Variants in ZFYVE28 observed in about 807,000 individuals in gnomAD.
ZFYVE28 encodes zinc finger FYVE-type containing 28, also known as lateral signaling target protein 2 homolog.
ZFYVE28 carries 40 observed loss-of-function variants against 82.1 expected under a neutral mutation model. The ratio of observed to expected loss-of-function variants is 0.49; its 90% CI spans 0.38 to 0.63. The LOEUF is 0.63. Among genes scored for constraint, ZFYVE28 ranks in the 30% least tolerant of loss-of-function variants. The pLI, the probability that ZFYVE28 is intolerant of heterozygous loss-of-function variation, is 0.00. For missense variants in ZFYVE28, 1,321 were observed against 1,242.1 expected (o/e 1.06, Z -0.96); for synonymous variants, 612 against 546.1 (o/e 1.12, Z -1.68).
chr4:2,281,238 G>C (rs1023115450), intron 8 of ZFYVE28, among the ~76,000 whole-genome samples: 1 of 152,200 alleles, frequency 6.6e-6, no homozygotes, highest in Non-Finnish European at 1.5e-5. Flanking sequence ...AAGGGCCAAA[G>C]GGAACAAGAG....
chr4:2,391,738 C>CGT (rs1729854937), intron 1 of ZFYVE28, among the ~76,000 whole-genome samples: 2 of 139,770 alleles, frequency 1.4e-5, no homozygotes, highest in Non-Finnish European at 3.1e-5. Flanking sequence ...AATTCTCTCT[C>CGT]TCTTTTTTTT....
intron 2 of ZFYVE28, among the ~76,000 whole-genome samples, chr4:2,349,273 A>G (rs1287165578): frequency 6.6e-6 from 1 of 150,550 alleles, no homozygotes; most frequent in African/African-American, 2.4e-5. Flanking sequence ...AAAAGAAAAT[A>G]TGCAAACACC....
chr4:2,349,056 T>G (rs1329519097), intron 2 of ZFYVE28, among the ~76,000 whole-genome samples: 1 of 152,172 alleles, frequency 6.6e-6, no homozygotes, highest in Admixed American at 6.5e-5. Context: ...TTTAGTGTTC[T>G]AATTCATGAA....
rs1715273298 is a variant in ZFYVE28, at chr4:2,300,013, G to A, written c.2051+4276C>T. Among the ~76,000 whole-genome samples the A allele has an allele frequency of 6.6e-6, 1 of 152,138 alleles. No homozygotes were observed. The highest frequency in any genetic ancestry group is 1.5e-5 in the Non-Finnish European group (1 of 68,026). On this transcript the variant is annotated intron_variant, in intron 8 of 12. Transcript: ENST00000290974. The surrounding 1 kb of genome is among the most constrained non-coding windows in gnomAD (Gnocchi z 4.6). Reference sequence around the variant, plus strand: ...GGGTCTTGCTATGTTGTCCAGGCTGGCCTTGAACTCCTGGCCTCAAGCAAT... The same window carrying A: ...GGGTCTTGCTATGTTGTCCAGGCTGACCTTGAACTCCTGGCCTCAAGCAAT...
Position 2,274,150 on chromosome 4 carries a change from A to ATGCGTGGCTGCTGGGGCCGCC in ZFYVE28, c.2097_2117dup (p.Thr705_His706insGlnAlaAlaProAlaAlaThr). The stretch of plus-strand genomic sequence containing the variant: ...TCTCTCTTGTGGCCTGTGGGGCAGC[A>ATGCGTGGCTGCTGGGGCCGCC]TGCGTGGCTGCTGGGGCCGCCTCTG... On this transcript the variant is annotated inframe_insertion, in exon 9 of 13. Transcript: ENST00000290974. The ATGCGTGGCTGCTGGGGCCGCC allele has an allele frequency of 6.2e-7, 1 of 1,613,828 alleles. No homozygotes were observed. The highest frequency in any genetic ancestry group is 8.5e-7 in the Non-Finnish European group (1 of 1,180,000).
At chr4:2,281,813 C>T (rs947693946) in intron 8 of ZFYVE28, among the ~76,000 whole-genome samples, 1 of 152,154 alleles carries the variant, frequency 6.6e-6, no homozygotes, top group African/African-American at 2.4e-5. Context: ...CAGGGTAGGG[C>T]CATGAGGAGG....
At position 2,418,303 on chromosome 4, in the gene ZFYVE28, C is replaced by T; in HGVS notation, c.21G>A (p.Lys7=). The T allele has an allele frequency of 3.9e-6, 6 of 1,534,170 alleles. No individual in the cohort carries two copies. The highest frequency in any genetic ancestry group is 5.3e-6 in the Non-Finnish European group (6 of 1,139,398). Residue 7 remains lysine, a synonymous_variant, in exon 1 of 13, where the codon AAG becomes AAA. Transcript: ENST00000290974. This position sits in a 1 kb window ranked among gnomAD's most constrained non-coding sequence, Gnocchi z 4.6. Reference sequence around the variant, plus strand: ...CGCTCACCTTGGGTTTGTAGAGCCACTTTCGGAACCTGTTCATCATCGCCG... The same window carrying T: ...CGCTCACCTTGGGTTTGTAGAGCCATTTTCGGAACCTGTTCATCATCGCCG... MMNRFR[K]WLYKPKRSDP...
chr4:2,281,954 A>C (rs1019519921), intron 8 of ZFYVE28, among the ~76,000 whole-genome samples: 1 of 152,148 alleles, frequency 6.6e-6, no homozygotes, highest in Non-Finnish European at 1.5e-5. Context: ...TGAGGAAGGG[A>C]ACAGTACGGG....
intron 1 of ZFYVE28, among the ~76,000 whole-genome samples, chr4:2,397,973 G>A (rs1730659564): frequency 1.4e-5 from 2 of 138,406 alleles, no homozygotes; most frequent in Non-Finnish European, 3.1e-5. Flanking sequence ...GTGAGGCCCA[G>A]GCACCCATAG....
At position 2,305,219 on chromosome 4, in the gene ZFYVE28, C is replaced by A. The variant is rs748374142; in HGVS notation, c.1121G>T (p.Gly374Val). ...CTCCCCGCCTGGGCTGCCCTCCGCT[C>A]CTGGCCTGTGAGCTGGGGACTGGCA... Reference protein sequence around the residue: ...IACQSPAHRPGAEGSPGGEAS... With the variant: ...IACQSPAHRPVAEGSPGGEAS... The change falls in exon 8 of 13, where the codon GGA (glycine) becomes GTA (valine). Residue 374 changes from glycine (G) to valine (V), a missense_variant. Physicochemically the swap from Gly to Val is moderately radical, Grantham distance 109. Coordinates refer to ENST00000290974, the MANE Select transcript of ZFYVE28 (RefSeq NM_020972.3). 1 of 1,610,044 alleles carries A rather than the reference C, an allele frequency of 6.2e-7. No homozygotes were observed. The highest frequency in any genetic ancestry group is 1.7e-5 in the Admixed American group (1 of 59,912).
rs142491730 is a variant in ZFYVE28, at chr4:2,382,801, A to G, written c.40-28728T>C. Among the ~76,000 whole-genome samples the G allele has an allele frequency of 3.3e-3, 503 of 152,256 alleles. 3 individuals are homozygous for G. Among genetic ancestry groups the G allele is most frequent in the African/African-American group, 0.011 (468 of 41,536 alleles). On this transcript the variant is annotated intron_variant, in intron 1 of 12. Coordinates refer to ENST00000290974, the MANE Select transcript of ZFYVE28 (RefSeq NM_020972.3). Reference sequence around the variant, plus strand: ...AAAGACACGCTGGAGACTGGGAAGAAAAAGAGGTTTAATTGGACTTACAGT... The same window carrying G: ...AAAGACACGCTGGAGACTGGGAAGAGAAAGAGGTTTAATTGGACTTACAGT...
At chr4:2,361,459 G>A (rs1726144227) in intron 1 of ZFYVE28, among the ~76,000 whole-genome samples, 1 of 152,226 alleles carries the variant, frequency 6.6e-6, no homozygotes, top group Admixed American at 6.5e-5. Context: ...TGACCCACGT[G>A]TGATGACCCT....
intron 8 of ZFYVE28, among the ~76,000 whole-genome samples, chr4:2,277,603 G>A (rs1260771449): frequency 6.6e-6 from 1 of 152,074 alleles, no homozygotes; most frequent in Non-Finnish European, 1.5e-5. Flanking sequence ...GCATAAAAAA[G>A]ATTAAAATAC....
chr4:2,336,901 GTTAGGAGGTGGGGAAGTGAGGAGGTGA>G (rs1721860692), intron 5 of ZFYVE28, among the ~76,000 whole-genome samples: 1 of 131,412 alleles, frequency 7.6e-6, no homozygotes, highest in Admixed American at 7.6e-5. Context: ...GAGGTGAGGA[GTTAGGAGGTGGGGAAGTGAGGAGGTGA>G]GTGAGGAGGT....
At position 2,404,862 on chromosome 4, in the gene ZFYVE28, T is replaced by TC. The variant is rs568490018; in HGVS notation, c.39+13422_39+13423insG. Among the ~76,000 whole-genome samples, 722 of 140,222 alleles carry TC rather than the reference T, an allele frequency of 5.1e-3. 2 individuals are homozygous for TC. The highest frequency in any genetic ancestry group is 0.014 in the Middle Eastern group (4 of 278). The allele number at this position is 140,222 out of a possible 152,430, so 92.0% of individuals were successfully genotyped here. ...TTCACCCTCTCAGTCTCGCTCTTTT[T>TC]TTTTTTTTTTTTTTTGAGAGAGGGT... is the stretch of plus-strand genomic sequence containing the variant. On this transcript the variant is annotated intron_variant, in intron 1 of 12. Transcript: ENST00000290974.
At position 2,304,920 on chromosome 4, in the gene ZFYVE28, C is replaced by T. The variant is rs563458821; in HGVS notation, c.1420G>A (p.Ala474Thr). The change falls in exon 8 of 13, where the codon GCG (alanine) becomes ACG (threonine). Residue 474 changes from alanine to threonine, a missense_variant. Ala to Thr is a moderately conservative substitution (Grantham distance 58). Around this residue, in one of 2 missense-constraint regions of ZFYVE28, gnomAD observed 978 missense variants for 833.7 expected, o/e 1.17. Coordinates refer to ENST00000290974, the MANE Select transcript of ZFYVE28 (RefSeq NM_020972.3). ...EAEGTDGASL[A>T]GTSSCSCLDS... The stretch of plus-strand genomic sequence containing the variant: ...AGGCAGCTGCAGGAGCTGGTGCCCG[C>T]GAGGCTGGCCCCATCTGTGCCCTCG... 1.9e-4 allele frequency: 304 copies of T among 1,612,676 alleles called. 4 individuals carry two copies. The South Asian group carries it at 2.9e-3, about 16-fold the overall frequency.
rs1722845519 is a variant in ZFYVE28, at chr4:2,341,739, G to A, written c.181-124C>T. 1.8e-5 allele frequency: 25 copies of A among 1,385,672 alleles called. No individual in the cohort carries two copies. In the South Asian group the frequency reaches 3.2e-4, roughly 18 times the overall value. The allele number at this position is 1,385,672 out of a possible 1,614,324, so 85.8% of individuals were successfully genotyped here. ...TAGGATTATTAAAGTGATAGAGGAG[G>A]CTAGGCACGGTGGCTCATGCCTATA... On this transcript the variant is annotated intron_variant, in intron 2 of 12. Transcript: ENST00000290974. The surrounding 1 kb of genome is among the most constrained non-coding windows in gnomAD (Gnocchi z 4.5).
chr4:2,337,988 G>C (rs114090034), intron 4 of ZFYVE28, among the ~76,000 whole-genome samples: 2 of 152,192 alleles, frequency 1.3e-5, no homozygotes, highest in African/African-American at 4.8e-5. Context: ...CTGCCCATGC[G>C]GGACAGTTGT....
chr4:2,323,301 G>A (rs919656322), intron 6 of ZFYVE28, among the ~76,000 whole-genome samples: 3 of 152,152 alleles, frequency 2.0e-5, no homozygotes, highest in Non-Finnish European at 2.9e-5. Context: ...AGTAACCAAC[G>A]ATGTGGAGCA....
Sources: allele counts gnomAD v4.1 joint callset (sites outside exome capture counted in the v4.1 genomes callset), GRCh38; gene constraint gnomAD v4.1.1; regional missense constraint gnomAD v4.1.1; non-coding constraint Gnocchi (gnomAD v3.1); transcripts MANE v1.5; gene names NCBI Gene and HGNC (gene_info 2026-07-23, HGNC 2026-07-21).